Variants in SDC2 observed in about 807,000 individuals in gnomAD.
SDC2 encodes syndecan 2.
In SDC2, 13 loss-of-function variants were observed where a neutral mutation model predicts 22.2. The ratio of observed to expected loss-of-function variants is 0.59; its 90% confidence interval spans 0.38 to 0.93. The LOEUF (loss-of-function observed/expected upper bound fraction) is 0.93, where lower values mean the gene tolerates loss of function less well. SDC2 is among the 40% of genes least tolerant of loss of function. SDC2 has a pLI of 0.00. For missense variants in SDC2, 235 were observed against 246.8 expected (o/e 0.95, Z 0.32); for synonymous variants, 94 against 92.8 (o/e 1.01, Z -0.07).
At chr8:96,570,985 G>A (rs772085642) in intron 1 of SDC2, among the ~76,000 whole-genome samples, 1 of 152,144 alleles carries the variant, frequency 6.6e-6, no homozygotes, top group Non-Finnish European at 1.5e-5. Context: ...GATGGATGTG[G>A]TAATGGTTGC....
At chr8:96,567,825 C>T (rs372478176) in intron 1 of SDC2, among the ~76,000 whole-genome samples, 2 of 152,150 alleles carry the variant, frequency 1.3e-5, no homozygotes, top group Non-Finnish European at 2.9e-5. Context: ...GTAACACCTC[C>T]GTTGAGCACC....
chr8:96,514,981 C>G (rs779431759), intron 1 of SDC2, among the ~76,000 whole-genome samples: 31 of 152,142 alleles, frequency 2.0e-4, no homozygotes, highest in Non-Finnish European at 4.0e-4. Context: ...TGCTAGCGCT[C>G]ACTTCCATGT....
At chr8:96,535,967 A>G (rs1813747903) in intron 1 of SDC2, among the ~76,000 whole-genome samples, 1 of 152,184 alleles carries the variant, frequency 6.6e-6, no homozygotes, top group Non-Finnish European at 1.5e-5. Flanking sequence ...GCTCAGAGGC[A>G]TGGATATAGA....
intron 2 of SDC2, 100 bp downstream of exon 2, chr8:96,593,691 G>A: frequency 2.7e-6 from 2 of 737,364 alleles, no homozygotes; most frequent in Non-Finnish European, 4.7e-6. Flanking sequence ...GATGCACAGT[G>A]GTTAAGGGCA....
At chr8:96,566,060 C>A (rs575373350) in intron 1 of SDC2, among the ~76,000 whole-genome samples, 7 of 152,174 alleles carry the variant, frequency 4.6e-5, no homozygotes, top group African/African-American at 1.7e-4. Flanking sequence ...TTGGTGATGA[C>A]CACCATCTGG....
chr8:96,516,501 C>G (rs895302744), intron 1 of SDC2, among the ~76,000 whole-genome samples: 3 of 152,014 alleles, frequency 2.0e-5, no homozygotes, highest in Non-Finnish European at 4.4e-5. Flanking sequence ...AATTGTGCAA[C>G]AGTGACCACA....
At chr8:96,499,378 A>G (rs1273962876) in intron 1 of SDC2, among the ~76,000 whole-genome samples, 1 of 152,202 alleles carries the variant, frequency 6.6e-6, no homozygotes, top group Non-Finnish European at 1.5e-5. Flanking sequence ...GGGAAACTGT[A>G]TTTTTATAAA....
At chr8:96,538,717 G>A (rs180879043) in intron 1 of SDC2, 1 of 152,378 alleles carries the variant, frequency 6.6e-6, no homozygotes, top group African/African-American at 2.4e-5. Flanking sequence ...TTGCTGAGCT[G>A]TGAATGCAGT....
At chr8:96,592,956 T>TG (rs993328877) in intron 1 of SDC2, among the ~76,000 whole-genome samples, 3 of 152,226 alleles carry the variant, frequency 2.0e-5, no homozygotes, top group Non-Finnish European at 2.9e-5. Flanking sequence ...CCCAGGTGAC[T>TG]GGGGATCTCT....
chr8:96,533,786 A>G (rs962995290), intron 1 of SDC2, among the ~76,000 whole-genome samples: 2 of 152,214 alleles, frequency 1.3e-5, no homozygotes, highest in Admixed American at 6.5e-5. Flanking sequence ...GGCTTCACCC[A>G]ATGGATCCTG....
rs1481198542 is a variant in SDC2 at position 96,576,368 on chromosome 8, G to GTTTTTTTTTTTTTTTTTTTTTTTTT, written c.61-17107_61-17106insTTTTTTTTTTTTTTTTTTTTTTTTT. Among the ~76,000 whole-genome samples the GTTTTTTTTTTTTTTTTTTTTTTTTT allele has an allele frequency of 6.6e-4, 11 of 16,612 alleles. 1 individual carries two copies. The highest frequency in any genetic ancestry group is 1.2e-3 in the African/African-American group (10 of 8,018). 10.9% of individuals were successfully genotyped at this position (16,612 alleles called of 152,430 possible). On this transcript the variant is annotated intron_variant, in intron 1 of 4. Coordinates refer to ENST00000302190, the MANE Select transcript of SDC2 (RefSeq NM_002998.4). Reference sequence around the variant, plus strand: ...ACATAAGTTCAATAATTGGTAGTTTGTTTTTGTTTTGTTTTGTTTTTTTTT... The same window carrying GTTTTTTTTTTTTTTTTTTTTTTTTT: ...ACATAAGTTCAATAATTGGTAGTTTGTTTTTTTTTTTTTTTTTTTTTTTTTTTTTTGTTTTGTTTTGTTTTTTTTT...
chr8:96,601,640 C>CA (rs749025894), intron 2 of SDC2, among the ~76,000 whole-genome samples: 2,759 of 66,320 alleles, frequency 0.042, 103 homozygotes, highest in African/African-American at 0.11. Context: ...ACTCCATCTC[C>CA]AAAAAAAAAA....
chr8:96,584,535 C>G (rs530920989), intron 1 of SDC2, among the ~76,000 whole-genome samples: 2 of 152,234 alleles, frequency 1.3e-5, no homozygotes, highest in African/African-American at 4.8e-5. Context: ...AATATTTTTC[C>G]CCCTTTCTCC....
At chr8:96,549,161 A>G (rs1232164954) in intron 1 of SDC2, among the ~76,000 whole-genome samples, 1 of 152,200 alleles carries the variant, frequency 6.6e-6, no homozygotes, top group Non-Finnish European at 1.5e-5. Flanking sequence ...CTAAAATGAG[A>G]CACCAGTTTC....
At chr8:96,508,084 C>G (rs1435530796) in intron 1 of SDC2, among the ~76,000 whole-genome samples, 1 of 152,112 alleles carries the variant, frequency 6.6e-6, no homozygotes, top group Non-Finnish European at 1.5e-5. Context: ...ATCACGAGGC[C>G]AGGAGATCAA....
chr8:96,545,970 T>G lies in SDC2; in HGVS notation c.61-47510T>G, dbSNP rs368535832. On this transcript the variant is annotated intron_variant, in intron 1 of 4. Transcript: ENST00000302190. ...GATGCTGCATAATCCCCTGAGGTGA[T>G]GCGTGCAGCGAGGCAACAGCAGTCA... Among the ~76,000 whole-genome samples the G allele has an allele frequency of 1.2e-4, 18 of 152,356 alleles. No homozygotes were observed. The East Asian group carries it at 3.1e-3, about 26-fold the overall frequency.
chr8:96,553,340 A>G (rs1320600938), intron 1 of SDC2, among the ~76,000 whole-genome samples: 2 of 152,056 alleles, frequency 1.3e-5, no homozygotes. Flanking sequence ...GGATTTTAAT[A>G]TTGTTTTATT....
intron 1 of SDC2, among the ~76,000 whole-genome samples, chr8:96,535,748 TCAAAACTTA>T (rs1293024734): frequency 6.6e-6 from 1 of 152,202 alleles, no homozygotes; most frequent in African/African-American, 2.4e-5. Flanking sequence ...CCACCTCCGT[TCAAAACTTA>T]GAAAAATATT....
intron 1 of SDC2, among the ~76,000 whole-genome samples, chr8:96,513,421 G>T (rs960585592): frequency 6.6e-6 from 1 of 152,134 alleles, no homozygotes; most frequent in African/African-American, 2.4e-5. Flanking sequence ...GCCTTCACAG[G>T]CTGCTTTTGT....
Sources: gnomAD v4.1 joint callset for allele counts (sites outside exome capture counted in the v4.1 genomes callset) on GRCh38, gnomAD v4.1.1 for gene constraint, MANE v1.5 for transcripts, NCBI Gene and HGNC (gene_info 2026-07-23, HGNC 2026-07-21) for gene names.